EDIL3: variants seen among roughly 807,000 people sequenced by gnomAD.
EDIL3 encodes the protein EGF like and discoidin domains 3.
Under a neutral mutation model 67.4 loss-of-function variants are expected in EDIL3, and 37 were observed. The observed-to-expected ratio is 0.55, with a 90% CI of 0.42 to 0.72. The LOEUF is 0.72. EDIL3 is among the 30% of genes least tolerant of loss of function. The probability of loss-of-function intolerance (pLI) is 0.00; values close to 1 mark genes in which losing one functional copy is unlikely to be tolerated. For synonymous variants in EDIL3, 195 were observed against 196.3 expected (o/e 0.99, Z 0.05); for missense variants, 527 against 586.3 (o/e 0.90, Z 1.04).
At chr5:84,096,684 T>C (rs1244612492) in intron 6 of EDIL3, among the ~76,000 whole-genome samples, 1 of 152,244 alleles carries the variant, frequency 6.6e-6, no homozygotes, top group East Asian at 1.9e-4. Context: ...TCTGGGGGAC[T>C]GTTGGGAAGG....
chr5:84,233,256 G>A (rs1311854036), intron 2 of EDIL3, among the ~76,000 whole-genome samples: 1 of 152,156 alleles, frequency 6.6e-6, no homozygotes, highest in African/African-American at 2.4e-5. Context: ...GAATCTTCCT[G>A]GGTGTCTGTT....
At chr5:84,100,027 T>C (rs902564927) in intron 6 of EDIL3, among the ~76,000 whole-genome samples, 1 of 152,024 alleles carries the variant, frequency 6.6e-6, no homozygotes. Context: ...ACCACAATGA[T>C]ACCATCTCAC....
At chr5:83,958,883 A>C (rs1744560023) in intron 10 of EDIL3, among the ~76,000 whole-genome samples, 1 of 151,454 alleles carries the variant, frequency 6.6e-6, no homozygotes, top group Non-Finnish European at 1.5e-5. Context: ...ACCTGAATTA[A>C]TGCTGTAGAG....
chr5:84,031,306 T>G (rs1484776082), intron 9 of EDIL3, among the ~76,000 whole-genome samples: 1 of 152,174 alleles, frequency 6.6e-6, no homozygotes, highest in Non-Finnish European at 1.5e-5. Flanking sequence ...ATGAAATAAG[T>G]AATTGTTTGA....
chr5:84,134,657 A>G (rs1170804604), intron 5 of EDIL3, among the ~76,000 whole-genome samples: 4 of 152,212 alleles, frequency 2.6e-5, no homozygotes, highest in African/African-American at 9.6e-5. Flanking sequence ...AGAAAAAAGT[A>G]GAACCATATC....
intron 1 of EDIL3, among the ~76,000 whole-genome samples, chr5:84,263,157 G>C (rs1745269362): frequency 6.6e-6 from 1 of 152,094 alleles, no homozygotes. Flanking sequence ...TTGATAAATA[G>C]TTACCACTGC....
chr5:84,368,838 G>T (rs1475016268), intron 1 of EDIL3, among the ~76,000 whole-genome samples: 1 of 151,942 alleles, frequency 6.6e-6, no homozygotes, highest in Non-Finnish European at 1.5e-5. Context: ...TCCCATAGAA[G>T]ATATACAAAT....
chr5:84,017,006 T>C (rs990429085), intron 9 of EDIL3, among the ~76,000 whole-genome samples: 1 of 152,206 alleles, frequency 6.6e-6, no homozygotes, highest in African/African-American at 2.4e-5. Context: ...GAGCTAGTCC[T>C]TTTTGCCATC....
At chr5:83,987,652 T>A (rs1212664190) in intron 9 of EDIL3, among the ~76,000 whole-genome samples, 1 of 152,138 alleles carries the variant, frequency 6.6e-6, no homozygotes, top group Non-Finnish European at 1.5e-5. Context: ...CAGCTTAATC[T>A]TTTAAATGGT....
At chr5:84,313,572 T>C (rs1010162145) in intron 1 of EDIL3, among the ~76,000 whole-genome samples, 1 of 152,182 alleles carries the variant, frequency 6.6e-6, no homozygotes, top group Admixed American at 6.5e-5. Context: ...CTACAAAGGA[T>C]TATAATATCT....
intron 4 of EDIL3, among the ~76,000 whole-genome samples, chr5:84,141,914 T>C (rs1242017189): frequency 1.9e-5 from 2 of 104,936 alleles, no homozygotes; most frequent in Non-Finnish European, 3.7e-5. Context: ...CTCATATATA[T>C]ATATATATAC....
At chr5:84,376,669 T>G (rs557890291) in intron 1 of EDIL3, among the ~76,000 whole-genome samples, 2 of 152,298 alleles carry the variant, frequency 1.3e-5, no homozygotes, top group African/African-American at 4.8e-5. Context: ...TGACCTATTT[T>G]TATATATAAG....
chr5:84,064,363 A>G (rs2112239149), intron 8 of EDIL3, among the ~76,000 whole-genome samples: 1 of 152,292 alleles, frequency 6.6e-6, no homozygotes, highest in East Asian at 1.9e-4. Flanking sequence ...AGTTTTTACT[A>G]AACTTTTTGT....
At chr5:84,283,039 C>CT (rs542928989) in intron 1 of EDIL3, among the ~76,000 whole-genome samples, 13 of 145,186 alleles carry the variant, frequency 9.0e-5, no homozygotes, top group South Asian at 2.2e-4. Flanking sequence ...GCATCTATTT[C>CT]TTTTTTTTTT....
rs1561411127 is a variant in EDIL3, at chr5:84,038,001, T to TGTTTG, written c.1137+22298_1137+22299insCAAAC. 6.7e-3 allele frequency among the ~76,000 whole-genome samples: 957 copies of TGTTTG among 142,736 alleles called. 22 individuals are homozygous for TGTTTG. Among genetic ancestry groups the TGTTTG allele is most frequent in the African/African-American group, 0.025 (921 of 36,666 alleles). The allele number at this position is 142,736 out of a possible 152,430, so 93.6% of individuals were successfully genotyped here. A position where few individuals can be genotyped will look rare whatever the true frequency, so the allele number is the denominator to read the frequency against. On this transcript the variant is annotated intron_variant, in intron 9 of 10. Coordinates refer to ENST00000296591, the MANE Select transcript of EDIL3 (RefSeq NM_005711.5). ...TCTTTCTTTCTTGTTTTTTTTTTTT[T>TGTTTG]TTTTTTTTTTGAGACAGGGTCTCAC...
intron 1 of EDIL3, among the ~76,000 whole-genome samples, chr5:84,311,151 C>T (rs1015330929): frequency 2.0e-5 from 3 of 151,802 alleles, no homozygotes; most frequent in East Asian, 1.9e-4. Context: ...ATAAATAATG[C>T]CACTATAGAC....
intron 2 of EDIL3, among the ~76,000 whole-genome samples, chr5:84,240,987 T>C (rs1744782841): frequency 6.6e-6 from 1 of 152,224 alleles, no homozygotes; most frequent in African/African-American, 2.4e-5. Flanking sequence ...TATCATAATG[T>C]CTACAGATTA....
At chr5:84,290,909 G>T (rs530149871) in intron 1 of EDIL3, among the ~76,000 whole-genome samples, 1 of 152,240 alleles carries the variant, frequency 6.6e-6, no homozygotes, top group East Asian at 1.9e-4. Context: ...CATTTCAAGT[G>T]GCTCAGTTTC....
intron 9 of EDIL3, among the ~76,000 whole-genome samples, chr5:83,995,597 A>G (rs1368798739): frequency 6.6e-6 from 1 of 152,200 alleles, no homozygotes; most frequent in Non-Finnish European, 1.5e-5. Context: ...GGTCAGACAT[A>G]TCACATAATT....
Sources: gnomAD v4.1 joint callset for allele counts (sites outside exome capture counted in the v4.1 genomes callset) on GRCh38, gnomAD v4.1.1 for gene constraint, MANE v1.5 for transcripts, NCBI Gene and HGNC (gene_info 2026-07-23, HGNC 2026-07-21) for gene names.